HECW2: variants seen among roughly 807,000 people sequenced by gnomAD.
The protein encoded by HECW2 is E3 ubiquitin-protein ligase HECW2.
HECW2 carries 61 observed loss-of-function variants against 175.2 expected under a neutral mutation model. The ratio of observed to expected loss-of-function variants is 0.35; its 90% CI spans 0.28 to 0.43. The LOEUF is 0.43. HECW2 is among the 20% of genes least tolerant of loss of function. The pLI, the probability that HECW2 is intolerant of heterozygous loss-of-function variation, is 1.00. For missense variants in HECW2, 1,524 were observed against 2,000.5 expected, an observed-to-expected ratio of 0.76 and a Z score of 4.54; for synonymous variants, 671 against 731.0, an observed-to-expected ratio of 0.92 and a Z score of 1.32.
intron 2 of HECW2, among the ~76,000 whole-genome samples, chr2:196,354,090 C>T (rs552907242): frequency 7.2e-5 from 11 of 152,306 alleles, no homozygotes; most frequent in African/African-American, 2.4e-4. Flanking sequence ...GGAGGGCAGC[C>T]ACCCCATGCA....
chr2:196,511,866 T>C (rs1687963493), intron 1 of HECW2, among the ~76,000 whole-genome samples: 2 of 152,098 alleles, frequency 1.3e-5, no homozygotes, highest in Admixed American at 6.5e-5. Context: ...AAAGTAGCTA[T>C]TCAGAGCAGG....
At chr2:196,430,046 G>A (rs2125264217) in intron 2 of HECW2, among the ~76,000 whole-genome samples, 1 of 152,286 alleles carries the variant, frequency 6.6e-6, no homozygotes, top group East Asian at 1.9e-4. Context: ...AGCACTCCAG[G>A]TATCCAGCTA....
chr2:196,204,859 C>T (rs578030475), intron 28 of HECW2, among the ~76,000 whole-genome samples: 16 of 152,264 alleles, frequency 1.1e-4, no homozygotes, highest in African/African-American at 3.9e-4. Context: ...CTTTCATTCT[C>T]CCAGGTTTCT....
At chr2:196,288,281 C>A (rs913782671) in intron 14 of HECW2, 1 of 152,158 alleles carries the variant, frequency 6.6e-6, no homozygotes, top group African/African-American at 2.4e-5. Context: ...AGAATACAAC[C>A]ACCAGAGCAG....
chr2:196,311,817 C>A (rs1691507170), intron 10 of HECW2, among the ~76,000 whole-genome samples: 2 of 152,062 alleles, frequency 1.3e-5, no homozygotes, highest in African/African-American at 4.8e-5. Context: ...CAACAACAAA[C>A]AAACAAAACC....
chr2:196,204,373 G>A (rs1374728784), intron 28 of HECW2, among the ~76,000 whole-genome samples: 1 of 151,630 alleles, frequency 6.6e-6, no homozygotes, highest in Non-Finnish European at 1.5e-5. Flanking sequence ...AATAGCTATT[G>A]TAATGGGTAT....
intron 21 of HECW2, among the ~76,000 whole-genome samples, chr2:196,229,993 C>T (rs1341043042): frequency 2.0e-5 from 3 of 152,118 alleles, no homozygotes; most frequent in Non-Finnish European, 4.4e-5. Context: ...TATTAAAAAT[C>T]CTCACACCCA....
intron 1 of HECW2, among the ~76,000 whole-genome samples, chr2:196,588,567 C>T (rs1206656209): frequency 6.6e-6 from 1 of 152,148 alleles, no homozygotes; most frequent in African/African-American, 2.4e-5. Context: ...CATAAATTTC[C>T]AATTACCAGG....
At chr2:196,234,720 AAT>A (rs71642360) in intron 21 of HECW2, among the ~76,000 whole-genome samples, 19,566 of 152,128 alleles carry the variant, frequency 0.13, 1,612 homozygotes, top group African/African-American at 0.23. Context: ...TTCACTGGAG[AAT>A]ATGTAGTATT....
At chr2:196,294,548 C>T (rs191647865) in intron 13 of HECW2, among the ~76,000 whole-genome samples, 38 of 152,216 alleles carry the variant, frequency 2.5e-4, no homozygotes, top group Admixed American at 8.5e-4. Context: ...TCTAAGACAG[C>T]CCAAGGCAAA....
At chr2:196,507,721 T>C (rs1687815937) in intron 1 of HECW2, among the ~76,000 whole-genome samples, 1 of 152,218 alleles carries the variant, frequency 6.6e-6, no homozygotes, top group Admixed American at 6.5e-5. Context: ...CACTGTGAAT[T>C]CCAAATAACC....
chr2:196,376,456 C>T (rs1032566933), intron 2 of HECW2, among the ~76,000 whole-genome samples: 1 of 151,350 alleles, frequency 6.6e-6, no homozygotes, highest in Non-Finnish European at 1.5e-5. Context: ...TGACGAAACC[C>T]CATCTCTACT....
intron 1 of HECW2, among the ~76,000 whole-genome samples, chr2:196,435,467 A>G (rs1239393065): frequency 2.0e-5 from 3 of 152,240 alleles, no homozygotes; most frequent in Non-Finnish European, 4.4e-5. Context: ...GTTGAATAAA[A>G]AATGCAGGCT....
intron 1 of HECW2, among the ~76,000 whole-genome samples, chr2:196,590,723 T>A (rs978110721): frequency 1.3e-5 from 2 of 152,180 alleles, no homozygotes; most frequent in African/African-American, 4.8e-5. Context: ...CAAAACACAT[T>A]CATCTAGGAG....
intron 2 of HECW2, among the ~76,000 whole-genome samples, chr2:196,348,137 C>T (rs1417305877): frequency 6.6e-6 from 1 of 152,236 alleles, no homozygotes; most frequent in Non-Finnish European, 1.5e-5. Flanking sequence ...TTTTTGTTCA[C>T]ATCTTTGTTT....
chr2:196,544,939 C>T (rs1689360781), intron 1 of HECW2, among the ~76,000 whole-genome samples: 1 of 152,198 alleles, frequency 6.6e-6, no homozygotes, highest in African/African-American at 2.4e-5. Context: ...CTTAGAAACC[C>T]CATGAGTTGC....
At chr2:196,525,311 T>C (rs1688597441) in intron 1 of HECW2, among the ~76,000 whole-genome samples, 1 of 103,024 alleles carries the variant, frequency 9.7e-6, no homozygotes, top group African/African-American at 4.5e-5. Context: ...CCTGCCTTTT[T>C]TTGTTTTCCA....
intron 2 of HECW2, among the ~76,000 whole-genome samples, chr2:196,356,142 A>G (rs1237840134): frequency 6.6e-6 from 1 of 152,196 alleles, no homozygotes; most frequent in African/African-American, 2.4e-5. Context: ...TAACAATAAC[A>G]ATAACACTCT....
intron 3 of HECW2, among the ~76,000 whole-genome samples, chr2:196,343,386 T>C (rs1272503693): frequency 6.6e-6 from 1 of 152,224 alleles, no homozygotes; most frequent in African/African-American, 2.4e-5. Context: ...TTTTTTTTCC[T>C]GAATATTTTT....
Sources: allele counts gnomAD v4.1 joint callset (sites outside exome capture counted in the v4.1 genomes callset), GRCh38; gene constraint gnomAD v4.1.1; transcripts MANE v1.5; gene names NCBI Gene and HGNC (gene_info 2026-07-23, HGNC 2026-07-21).